Variants in PCSK5 observed in about 807,000 individuals in gnomAD.
PCSK5 encodes the protein proprotein convertase subtilisin/kexin type 5.
In PCSK5, 129 loss-of-function variants were observed where a neutral mutation model predicts 233.2. The observed-to-expected ratio is 0.55, with a 90% confidence interval of 0.48 to 0.64. PCSK5 has a LOEUF of 0.64. PCSK5 is among the 30% of genes least tolerant of loss of function. The pLI is 0.00. For synonymous variants in PCSK5, 825 were observed against 879.2 expected, an observed-to-expected ratio of 0.94 and a Z score of 1.09; for missense variants, 2,076 against 2,430.1, an observed-to-expected ratio of 0.85 and a Z score of 3.06.
At chr9:76,327,249 G>A (rs949104271) in intron 32 of PCSK5, among the ~76,000 whole-genome samples, 1 of 152,030 alleles carries the variant, frequency 6.6e-6, no homozygotes, top group African/African-American at 2.4e-5. Flanking sequence ...TGGGACTACA[G>A]GCACCCGCCA....
intron 24 of PCSK5, among the ~76,000 whole-genome samples, chr9:76,257,318 A>C (rs1299830906): frequency 2.0e-5 from 3 of 152,182 alleles, no homozygotes. Context: ...AAATTGATTT[A>C]AGTCACAGAG....
intron 24 of PCSK5, among the ~76,000 whole-genome samples, chr9:76,241,217 G>A (rs1826420349): frequency 6.6e-6 from 1 of 152,128 alleles, no homozygotes; most frequent in Non-Finnish European, 1.5e-5. Context: ...CAAGGTGGGT[G>A]GATCACCTGA....
chr9:76,021,625 C>T (rs929681105), intron 3 of PCSK5, among the ~76,000 whole-genome samples: 2 of 152,136 alleles, frequency 1.3e-5, no homozygotes, highest in African/African-American at 4.8e-5. Flanking sequence ...TCAATGTTGT[C>T]TGTCATAAAA....
chr9:75,969,003 G>C lies in PCSK5; in HGVS notation c.298-17129G>C, dbSNP rs1235688588. ...AGAAGGTCTGGAAGTCCACTACAAT[G>C]GGGAAACCTCATGGCCTGCCCTCTA... On this transcript the variant is annotated intron_variant, in intron 2 of 37. Coordinates refer to ENST00000674117, the MANE Select transcript of PCSK5 (RefSeq NM_001372043.1). Among the ~76,000 whole-genome samples, 5 of 149,764 alleles carry C rather than the reference G, an allele frequency of 3.3e-5. No individual in the cohort carries two copies. The East Asian group carries it at 9.9e-4, about 30-fold the overall frequency.
At chr9:75,914,492 C>T (rs1247435304) in intron 1 of PCSK5, among the ~76,000 whole-genome samples, 1 of 151,924 alleles carries the variant, frequency 6.6e-6, no homozygotes, top group Non-Finnish European at 1.5e-5. Context: ...TTTAGATGAC[C>T]CAATGACCTA....
intron 22 of PCSK5, 75 bp from the exon 23 acceptor site, chr9:76,238,884 A>G: frequency 9.2e-7 from 1 of 1,091,108 alleles, no homozygotes; most frequent in Non-Finnish European, 1.4e-6. Context: ...TTAAAATATA[A>G]TATCTTACAT....
intron 30 of PCSK5, among the ~76,000 whole-genome samples, chr9:76,320,164 T>C (rs1829149465): frequency 1.3e-5 from 2 of 151,940 alleles, no homozygotes. Flanking sequence ...TTTATTACAA[T>C]CTCTCGTCTC....
chr9:76,314,771 G>A (rs974595924), intron 30 of PCSK5, among the ~76,000 whole-genome samples: 1 of 151,778 alleles, frequency 6.6e-6, no homozygotes, highest in Admixed American at 6.6e-5. Context: ...CGAGTAGCTG[G>A]GATTACAGGC....
chr9:76,043,759 A>G (rs1244224604), intron 5 of PCSK5, among the ~76,000 whole-genome samples: 1 of 152,126 alleles, frequency 6.6e-6, no homozygotes, highest in African/African-American at 2.4e-5. Flanking sequence ...TTTGGTAGAG[A>G]CAGTGCTTCA....
intron 20 of PCSK5, among the ~76,000 whole-genome samples, chr9:76,198,350 AC>A (rs1006470267): frequency 6.6e-6 from 1 of 152,152 alleles, no homozygotes; most frequent in African/African-American, 2.4e-5. Context: ...AAGATCTTTT[AC>A]TTTTTTCATT....
chr9:76,247,499 T>G (rs1826653191), intron 24 of PCSK5, among the ~76,000 whole-genome samples: 1 of 152,144 alleles, frequency 6.6e-6, no homozygotes, highest in East Asian at 1.9e-4. Flanking sequence ...GTGAGCTCTC[T>G]GATTGGTCCG....
At position 75,904,697 on chromosome 9, in the gene PCSK5, A is replaced by G. The variant is rs1360444205; in HGVS notation, c.192+13324A>G. ...TCCAATTTACAATGGGAATGTGCTA[A>G]TGGGAATGTAAAGCTGTGAGACCAC... On this transcript the variant is annotated intron_variant, in intron 1 of 37. Transcript: ENST00000674117. Among the ~76,000 whole-genome samples the G allele has an allele frequency of 4.6e-5, 7 of 152,346 alleles. No homozygotes were observed. In the East Asian group the frequency reaches 1.4e-3, roughly 29 times the overall value.
At chr9:75,963,429 G>A (rs868487300) in intron 2 of PCSK5, among the ~76,000 whole-genome samples, 16 of 152,342 alleles carry the variant, frequency 1.1e-4, no homozygotes, top group African/African-American at 3.6e-4. Context: ...ATCTTCACCT[G>A]AATCATTTTG....
intron 9 of PCSK5, among the ~76,000 whole-genome samples, chr9:76,110,743 C>T (rs1315235843): frequency 2.6e-5 from 4 of 152,088 alleles, no homozygotes; most frequent in South Asian, 2.1e-4. Context: ...GAATGAAATA[C>T]AAAACATAGA....
chr9:76,318,853 A>C (rs757935553), intron 30 of PCSK5, among the ~76,000 whole-genome samples: 1 of 152,212 alleles, frequency 6.6e-6, no homozygotes, highest in Non-Finnish European at 1.5e-5. Flanking sequence ...TGAATAAAAA[A>C]TATTTTCCAC....
intron 24 of PCSK5, among the ~76,000 whole-genome samples, chr9:76,274,716 GT>G (rs375302921): frequency 6.6e-4 from 100 of 152,174 alleles, no homozygotes; most frequent in African/African-American, 2.3e-3. Flanking sequence ...TCTCAAAGGG[GT>G]TTTTTTGTTG....
At chr9:76,189,345 G>A in intron 19 of PCSK5, 122 bp downstream of exon 19, 1 of 822,504 alleles carries the variant, frequency 1.2e-6, no homozygotes. Context: ...ACATGTACCT[G>A]TGGACACTGT....
chr9:76,340,114 T>C (rs1829787450), intron 35 of PCSK5, among the ~76,000 whole-genome samples: 1 of 152,132 alleles, frequency 6.6e-6, no homozygotes, highest in Non-Finnish European at 1.5e-5. Flanking sequence ...AATTCTGTAA[T>C]ACACTGCTTT....
chr9:75,948,646 C>A (rs1011796946), intron 2 of PCSK5, among the ~76,000 whole-genome samples: 1 of 152,096 alleles, frequency 6.6e-6, no homozygotes, highest in Admixed American at 6.5e-5. Context: ...TTTATAGTAG[C>A]ATGATTTGTA....
Sources: allele counts gnomAD v4.1 joint callset (sites outside exome capture counted in the v4.1 genomes callset), GRCh38; gene constraint gnomAD v4.1.1; transcripts MANE v1.5; gene names NCBI Gene and HGNC (gene_info 2026-07-23, HGNC 2026-07-21).